Variants in FGF14 observed in about 807,000 individuals in gnomAD.
The protein encoded by FGF14 is fibroblast growth factor 14, also known as fibroblast growth factor homologous factor 4.
In FGF14, 5 loss-of-function variants were observed where a neutral mutation model predicts 25.5. That is an observed-to-expected ratio of 0.20 (90% CI 0.10 to 0.41). The LOEUF (loss-of-function observed/expected upper bound fraction) is 0.41, where lower values mean the gene tolerates loss of function less well. FGF14 is among the 10% of genes least tolerant of loss of function. The pLI, the probability that FGF14 is intolerant of heterozygous loss-of-function variation, is 1.00. For synonymous variants in FGF14, 138 were observed against 118.3 expected, an observed-to-expected ratio of 1.17 and a Z score of -1.08; for missense variants, 222 against 320.1, an observed-to-expected ratio of 0.69 and a Z score of 2.34.
chr13:102,368,282 G>A (rs907999213), intron 1 of FGF14, among the ~76,000 whole-genome samples: 1 of 152,162 alleles, frequency 6.6e-6, no homozygotes, highest in African/African-American at 2.4e-5. Context: ...GTACCTACAT[G>A]ATAGGGGTTT....
At chr13:101,907,372 C>T (rs2032375232) in intron 1 of FGF14, among the ~76,000 whole-genome samples, 3 of 152,062 alleles carry the variant, frequency 2.0e-5, no homozygotes, top group Admixed American at 6.6e-5. Context: ...AAAAGATGAT[C>T]GCATAAAGGG....
chr13:102,388,351 A>C (rs2058354576), intron 1 of FGF14, among the ~76,000 whole-genome samples: 1 of 152,234 alleles, frequency 6.6e-6, no homozygotes, highest in Non-Finnish European at 1.5e-5. Flanking sequence ...TGTATAATGT[A>C]TGCTCAGACA....
intron 1 of FGF14, among the ~76,000 whole-genome samples, chr13:102,353,259 A>C (rs2057338372): frequency 6.6e-6 from 1 of 152,170 alleles, no homozygotes; most frequent in Non-Finnish European, 1.5e-5. Context: ...TTCTCTCTCA[A>C]TCTCTTTGCC....
intron 1 of FGF14, among the ~76,000 whole-genome samples, chr13:102,216,419 GAGA>G (rs2050373628): frequency 2.6e-5 from 4 of 152,188 alleles, no homozygotes; most frequent in Non-Finnish European, 5.9e-5. Context: ...AAGGGCACTA[GAGA>G]ATGTTACATG....
intron 1 of FGF14, among the ~76,000 whole-genome samples, chr13:102,232,064 T>C (rs1249503053): frequency 6.6e-6 from 1 of 152,224 alleles, no homozygotes; most frequent in Non-Finnish European, 1.5e-5. Flanking sequence ...TTATTCCCAC[T>C]TGTTTTGCTA....
intron 1 of FGF14, among the ~76,000 whole-genome samples, chr13:102,122,621 A>C (rs1594043880): frequency 6.6e-6 from 1 of 152,172 alleles, no homozygotes; most frequent in East Asian, 1.9e-4. Flanking sequence ...TCAAAATGCA[A>C]CTTTTTATAA....
chr13:102,129,567 A>G (rs563176019), intron 1 of FGF14, among the ~76,000 whole-genome samples: 129 of 152,234 alleles, frequency 8.5e-4, no homozygotes, highest in Non-Finnish European at 1.4e-3. Context: ...CCCTTCCTCA[A>G]TTCCTTACAA....
chr13:102,329,115 C>A (rs927060652), intron 1 of FGF14, among the ~76,000 whole-genome samples: 1 of 152,186 alleles, frequency 6.6e-6, no homozygotes, highest in Non-Finnish European at 1.5e-5. Context: ...TCACTTTCAA[C>A]TTTCAGTTGA....
At chr13:101,896,841 C>A (rs190492262) in intron 1 of FGF14, among the ~76,000 whole-genome samples, 103 of 152,124 alleles carry the variant, frequency 6.8e-4, no homozygotes, top group Non-Finnish European at 1.3e-3. Flanking sequence ...ACCATGAGAC[C>A]ATAATAGGGG....
chr13:101,742,403 T>C (rs1275018355), intron 3 of FGF14, among the ~76,000 whole-genome samples: 4 of 152,136 alleles, frequency 2.6e-5, no homozygotes, highest in Admixed American at 2.6e-4. Flanking sequence ...AAACCAGTGA[T>C]TATTGAGGAT....
At chr13:102,081,680 C>G (rs866601050) in intron 1 of FGF14, among the ~76,000 whole-genome samples, 5 of 152,024 alleles carry the variant, frequency 3.3e-5, no homozygotes, top group Non-Finnish European at 5.9e-5. Context: ...ATATAATTAT[C>G]TTATGTATTT....
intron 1 of FGF14, among the ~76,000 whole-genome samples, chr13:102,281,690 CTTT>C (rs539883822): frequency 9.6e-5 from 13 of 135,000 alleles, no homozygotes; most frequent in Non-Finnish European, 1.3e-4. Flanking sequence ...ATCCTAACTT[CTTT>C]TTTTTTTTTT....
chr13:101,761,471 A>G (rs2038024534), intron 3 of FGF14, among the ~76,000 whole-genome samples: 1 of 152,194 alleles, frequency 6.6e-6, no homozygotes, highest in Non-Finnish European at 1.5e-5. Flanking sequence ...ACCCCACGTG[A>G]CTGTGGGTCT....
chr13:101,845,890 A>G (rs146267822), intron 3 of FGF14, among the ~76,000 whole-genome samples: 1 of 152,100 alleles, frequency 6.6e-6, no homozygotes, highest in African/African-American at 2.4e-5. Flanking sequence ...AGGTGGTGGC[A>G]GGGCTCAGTG....
At chr13:101,955,253 AATCTCTTTGAACT>A (rs1257525246) in intron 1 of FGF14, among the ~76,000 whole-genome samples, 1 of 152,212 alleles carries the variant, frequency 6.6e-6, no homozygotes, top group Non-Finnish European at 1.5e-5. Context: ...AGTTTTCAGG[AATCTCTTTGAACT>A]AGTAGGCAAT....
intron 1 of FGF14, among the ~76,000 whole-genome samples, chr13:102,087,515 C>A (rs2043970811): frequency 7.3e-6 from 1 of 136,268 alleles, no homozygotes; most frequent in Non-Finnish European, 1.5e-5. Context: ...TGGTTCCCGT[C>A]ATTCTCCTGC....
intron 1 of FGF14, among the ~76,000 whole-genome samples, chr13:102,220,187 G>GTT (rs1333387201): frequency 6.6e-6 from 1 of 152,038 alleles, no homozygotes; most frequent in Non-Finnish European, 1.5e-5. Context: ...TCCCAACCCT[G>GTT]TAAGAGAAAA....
At chr13:101,834,593 G>T (rs943744413) in intron 3 of FGF14, among the ~76,000 whole-genome samples, 23 of 151,954 alleles carry the variant, frequency 1.5e-4, no homozygotes, top group Non-Finnish European at 2.8e-4. Context: ...GATTTCAAAG[G>T]GAGACCTGGA....
chr13:102,143,734 T>C (rs1452528247), intron 1 of FGF14, among the ~76,000 whole-genome samples: 1 of 152,194 alleles, frequency 6.6e-6, no homozygotes, highest in Non-Finnish European at 1.5e-5. Flanking sequence ...CCGAAGACAC[T>C]ATGTTTCAGA....
Sources: gnomAD v4.1 joint callset for allele counts (sites outside exome capture counted in the v4.1 genomes callset) on GRCh38, gnomAD v4.1.1 for gene constraint, MANE v1.5 for transcripts, NCBI Gene and HGNC (gene_info 2026-07-23, HGNC 2026-07-21) for gene names.